SMAD4: variants seen among roughly 807,000 people sequenced by gnomAD.
SMAD4 encodes MAD homolog 4.
In SMAD4, 7 loss-of-function variants were observed where a neutral mutation model predicts 63.2. That is an observed-to-expected ratio of 0.11 (90% CI 0.06 to 0.21). The LOEUF (loss-of-function observed/expected upper bound fraction) is 0.21. Ranked by LOEUF, SMAD4 falls within the 10% of genes least tolerant of loss-of-function variation. SMAD4 has a pLI of 1.00. For missense variants in SMAD4, 312 were observed against 693.8 expected, an observed-to-expected ratio of 0.45 and a Z score of 6.18; for synonymous variants, 215 against 235.4, an observed-to-expected ratio of 0.91 and a Z score of 0.79.
Position 51,084,012 on chromosome 18 carries a change from GCACACACACA to G in SMAD4, c.*5568_*5577del, listed in dbSNP as rs56017493. On this transcript the variant is annotated 3_prime_UTR_variant, in exon 12 of 12. Coordinates refer to ENST00000342988, the MANE Select transcript of SMAD4 (RefSeq NM_005359.6). ...TTAACGCGCGTGCGCACGCGCGCGC[GCACACACACA>G]CACACACACACACACACACACAGGT... The G allele has an allele frequency of 9.7e-3, 1,585 of 162,874 alleles. 28 individuals are homozygous for G. The highest frequency in any genetic ancestry group is 0.041 in the African/African-American group (1,427 of 35,202). The allele number at this position is 162,874 out of a possible 1,614,324, so 10.1% of individuals were successfully genotyped here.
At chr18:51,032,338 C>T (rs1472861053) in intron 1 of SMAD4, among the ~76,000 whole-genome samples, 1 of 151,666 alleles carries the variant, frequency 6.6e-6, no homozygotes, top group Admixed American at 6.6e-5. Context: ...CATTGTAAAT[C>T]TTGAGTTTAG....
rs768906241 is a variant in SMAD4, at chr18:51,047,329, T to C, written c.249+34T>C. 2.5e-6 allele frequency: 4 copies of C among 1,605,316 alleles called. No homozygotes were observed. The East Asian group carries it at 8.9e-5, about 36-fold the overall frequency. ...TATAAGAGTTTTTCTATACCCTCTA[T>C]GGTGGCAGATTTAAAAACTTGCTAC... On this transcript the variant is annotated intron_variant, in intron 2 of 11. Transcript: ENST00000342988.
At chr18:51,061,457 GTCTT>G (rs1204400313) in intron 8 of SMAD4, among the ~76,000 whole-genome samples, 1 of 152,168 alleles carries the variant, frequency 6.6e-6, no homozygotes, top group Non-Finnish European at 1.5e-5. Context: ...TGTGATGTTT[GTCTT>G]TCTTTGCCTG....
chr18:51,060,720 ACCTCCTAGTCTCAAGCGAT>A (rs1260180509), intron 8 of SMAD4, among the ~76,000 whole-genome samples: 2 of 151,914 alleles, frequency 1.3e-5, no homozygotes, highest in African/African-American at 4.8e-5. Context: ...TACAGCCTTG[ACCTCCTAGTCTCAAGCGAT>A]CCTCTCACCT....
chr18:51,041,277 T>G (rs1909372852), intron 1 of SMAD4, among the ~76,000 whole-genome samples: 1 of 152,236 alleles, frequency 6.6e-6, no homozygotes, highest in African/African-American at 2.4e-5. Context: ...CTCATCATTT[T>G]CCTTCAGCCT....
chr18:51,065,125 C>T (rs1417736524), intron 8 of SMAD4, among the ~76,000 whole-genome samples: 1 of 151,510 alleles, frequency 6.6e-6, no homozygotes, highest in Admixed American at 6.6e-5. Context: ...GAGGTAAGAA[C>T]CAAATTCCAG....
At position 51,076,695 on chromosome 18, in the gene SMAD4, G is replaced by A. The variant is rs2144474015; in HGVS notation, c.1366G>A (p.Ala456Thr). Residue 456 changes from alanine to threonine, a missense_variant, in exon 11 of 12, where the codon GCT becomes ACT. Around this residue, in one of 4 missense-constraint regions of SMAD4, gnomAD observed 92 missense variants for 305.9 expected, o/e 0.30. Transcript: ENST00000342988. ...GCAGCAGCAGGCGGCTACTGCACAA[G>A]CTGCAGCAGCTGCCCAGGCAGCAGC... ...QMQQQAATAQ[A>T]AAAAQAAAVA... 6.2e-7 allele frequency: 1 copy of A among 1,612,714 alleles called. No individual in the cohort carries two copies. Among genetic ancestry groups the A allele is most frequent in the Non-Finnish European group, 8.5e-7 (1 of 1,178,762 alleles).
chr18:51,041,693 G>A (rs540742191), intron 1 of SMAD4, among the ~76,000 whole-genome samples: 1 of 152,166 alleles, frequency 6.6e-6, no homozygotes, highest in Non-Finnish European at 1.5e-5. Flanking sequence ...TATATGAGCT[G>A]TCCTATCCCT....
intron 8 of SMAD4, among the ~76,000 whole-genome samples, chr18:51,062,851 G>GTTTTTTTTTTTTTTTTTTTTTTTTT (rs71171374): frequency 3.1e-5 from 2 of 65,394 alleles, no homozygotes; most frequent in Admixed American, 2.4e-4. Flanking sequence ...GGCTTTACTT[G>GTTTTTTTTTTTTTTTTTTTTTTTTT]TTTTTTTTTT....
chr18:51,071,680 T>G (rs1910321596), intron 10 of SMAD4, among the ~76,000 whole-genome samples: 1 of 152,224 alleles, frequency 6.6e-6, no homozygotes, highest in Non-Finnish European at 1.5e-5. Flanking sequence ...CAATGATTGT[T>G]AGTATATTCA....
In SMAD4 at chr18:51,058,137, G is replaced by A. The variant is rs1909890755; in HGVS notation, c.680G>A (p.Ser227Asn). 6.2e-7 allele frequency: 1 copy of A among 1,614,166 alleles called. No individual in the cohort carries two copies. The highest frequency in any genetic ancestry group is 1.3e-5 in the African/African-American group (1 of 75,046). Residue 227 changes from serine to asparagine, a missense_variant, in exon 6 of 12, where the codon AGT (serine) becomes AAT (asparagine). Around this residue, in one of 4 missense-constraint regions of SMAD4, gnomAD observed 169 missense variants for 211.0 expected, o/e 0.80. Coordinates refer to ENST00000342988, the MANE Select transcript of SMAD4 (RefSeq NM_005359.6). ...IPVASTSQPA[S>N]ILGGSHSEGL... ...CTTGTTCCTCTAGGTCAGCCTGCCA[G>A]TATACTGGGGGGCAGCCATAGTGAA... is the stretch of plus-strand genomic sequence containing the variant.
intron 10 of SMAD4, 49 bp downstream of exon 10, chr18:51,067,236 T>A (rs2144453234): frequency 9.4e-7 from 1 of 1,062,812 alleles, no homozygotes; most frequent in East Asian, 2.4e-5. Flanking sequence ...CTCTATTTGT[T>A]GTCAAAAGAA....
intron 10 of SMAD4, among the ~76,000 whole-genome samples, chr18:51,074,989 C>T (rs915275372): frequency 2.0e-5 from 3 of 152,164 alleles, no homozygotes; most frequent in Non-Finnish European, 4.4e-5. Flanking sequence ...GGATTACAGG[C>T]ATCTGCCACC....
Position 51,079,349 on chromosome 18 carries a change from C to G in SMAD4, c.*882C>G. 1 of 233,402 alleles carries G rather than the reference C, an allele frequency of 4.3e-6. No homozygotes were observed. The highest frequency in any genetic ancestry group is 6.1e-5 in the East Asian group (1 of 16,478). 14.5% of individuals were successfully genotyped at this position (233,402 alleles called of 1,614,324 possible). A position where few individuals can be genotyped will look rare whatever the true frequency, so the allele number is the denominator to read the frequency against. ...TTAAAACACTAAAAGCAGCGTCACTCTACCTAATGTCTCACTGTTCTGCAA... is the reference window on the plus strand; with the variant it reads ...TTAAAACACTAAAAGCAGCGTCACTGTACCTAATGTCTCACTGTTCTGCAA... On this transcript the variant is annotated 3_prime_UTR_variant, in exon 12 of 12. Transcript: ENST00000342988.
intron 8 of SMAD4, among the ~76,000 whole-genome samples, chr18:51,063,759 C>G (rs1910079941): frequency 6.6e-6 from 1 of 152,296 alleles, no homozygotes; most frequent in East Asian, 1.9e-4. Flanking sequence ...TAAGAAGACA[C>G]TCAGTGAAGA....
Position 51,030,429 on chromosome 18 carries a change from A to C in SMAD4, c.-322A>C, listed in dbSNP as rs1211437662. ...CCCAGCGAGAGAGGCCCCCCGCCGCAGGGCGGCCCGGGAGCTCGAGGCGGT... is the reference window on the plus strand; with the variant it reads ...CCCAGCGAGAGAGGCCCCCCGCCGCCGGGCGGCCCGGGAGCTCGAGGCGGT... On this transcript the variant is annotated 5_prime_UTR_variant, in exon 1 of 12. Coordinates refer to ENST00000342988, the MANE Select transcript of SMAD4 (RefSeq NM_005359.6). The C allele has an allele frequency of 6.7e-6, 1 of 150,264 alleles. No homozygotes were observed. The highest frequency in any genetic ancestry group is 2.1e-4 in the South Asian group (1 of 4,762). The allele number at this position is 150,264 out of a possible 1,614,324, so 9.3% of individuals were successfully genotyped here.
At position 51,080,684 on chromosome 18, in the gene SMAD4, G is replaced by A. The variant is rs1035391862; in HGVS notation, c.*2217G>A. 18 of 175,562 alleles carry A rather than the reference G, an allele frequency of 1.0e-4. No homozygotes were observed. The highest frequency in any genetic ancestry group is 3.8e-4 in the African/African-American group (16 of 42,308). The allele number at this position is 175,562 out of a possible 1,614,324, so 10.9% of individuals were successfully genotyped here. On this transcript the variant is annotated 3_prime_UTR_variant, in exon 12 of 12. Transcript: ENST00000342988. The stretch of plus-strand genomic sequence containing the variant: ...AGCCTCCCTGGTAGCTAGGATTACA[G>A]GTGCCCGCCACCATGCCTGGCTAAC...
At chr18:51,066,706 C>G (rs1910167765) in intron 9 of SMAD4, 2 of 283,814 alleles carry the variant, frequency 7.0e-6, no homozygotes, top group South Asian at 7.5e-5. Context: ...TAGTGGCTAT[C>G]AATTTGGACA....
At position 51,078,501 on chromosome 18, in the gene SMAD4, G is replaced by C. The variant is rs771022919; in HGVS notation, c.*34G>C. 1 of 1,403,382 alleles carries C rather than the reference G, an allele frequency of 7.1e-7. No individual in the cohort carries two copies. The highest frequency in any genetic ancestry group is 1.0e-6 in the Non-Finnish European group (1 of 992,406). 86.9% of individuals were successfully genotyped at this position (1,403,382 alleles called of 1,614,324 possible). A position where few individuals can be genotyped will look rare whatever the true frequency, so the allele number is the denominator to read the frequency against. On this transcript the variant is annotated 3_prime_UTR_variant, in exon 12 of 12. Coordinates refer to ENST00000342988, the MANE Select transcript of SMAD4 (RefSeq NM_005359.6). ...ACCGTTGGGGCCCTTAACCTTATCA[G>C]GATGGTGGACTACAAAATACAATCC...
Sources: allele counts gnomAD v4.1 joint callset (sites outside exome capture counted in the v4.1 genomes callset), GRCh38; gene constraint gnomAD v4.1.1; regional missense constraint gnomAD v4.1.1; transcripts MANE v1.5; gene names NCBI Gene and HGNC (gene_info 2026-07-23, HGNC 2026-07-21).